Variants in USF1 observed in about 807,000 individuals in gnomAD.
USF1 encodes the protein upstream transcription factor 1.
A neutral mutation model predicts 46.3 loss-of-function variants in USF1; 22 were observed. That is an observed-to-expected ratio of 0.47 (90% CI 0.34 to 0.68). USF1 has a LOEUF of 0.68. Among genes scored for constraint, USF1 ranks in the 30% least tolerant of loss-of-function variants. USF1 has a pLI of 0.01. For missense variants in USF1, 287 were observed against 399.3 expected, an observed-to-expected ratio of 0.72 and a Z score of 2.40; for synonymous variants, 150 against 147.0, an observed-to-expected ratio of 1.02 and a Z score of -0.15.
At chr1:161,045,514 C>T (rs1019858437) in intron 1 of USF1, among the ~76,000 whole-genome samples, 4 of 152,234 alleles carry the variant, frequency 2.6e-5, no homozygotes, top group Non-Finnish European at 5.9e-5. Flanking sequence ...CGGGAGCCTG[C>T]GCCGTGACCC....
In USF1 at chr1:161,042,536, A is replaced by G; in HGVS notation, c.174+19T>C. 1 of 1,613,330 alleles carries G rather than the reference A, an allele frequency of 6.2e-7. No homozygotes were observed. Among genetic ancestry groups the G allele is most frequent in the Non-Finnish European group, 8.5e-7 (1 of 1,179,552 alleles). ...CCAACCCCAGATAACACCTGCAGCCACCTGGCCCCCTCCCTTACCTGGCCC... is the reference window on the plus strand; with the variant it reads ...CCAACCCCAGATAACACCTGCAGCCGCCTGGCCCCCTCCCTTACCTGGCCC... On this transcript the variant is annotated intron_variant, in intron 4 of 10. Transcript: ENST00000368021.
chr1:161,043,427 A>G, intron 1 of USF1, 67 bp from the exon 2 acceptor site: 1 of 1,252,922 alleles, frequency 8.0e-7, no homozygotes, highest in Non-Finnish European at 1.1e-6. Context: ...TCTAGAACTT[A>G]GGTTCCATGA....
At position 161,043,386 on chromosome 1, in the gene USF1, T is replaced by C; in HGVS notation, c.-85-26A>G. On this transcript the variant is annotated intron_variant, in intron 1 of 10. Coordinates refer to ENST00000368021, the MANE Select transcript of USF1 (RefSeq NM_007122.5). ...CTGGTAGAAATCATGAAGTTTGCAA[T>C]GAGTTTAGGAAACAGAACAGTATCT... 1.0e-5 allele frequency: 16 copies of C among 1,565,202 alleles called. No homozygotes were observed. The South Asian group carries it at 1.8e-4, about 18-fold the overall frequency.
In USF1 at chr1:161,041,335, G is replaced by A. The variant is rs2102012606; in HGVS notation, c.549C>T (p.His183=). Residue 183 remains histidine (H), a synonymous_variant, in exon 7 of 11, where the codon CAC becomes CAT. Coordinates refer to ENST00000368021, the MANE Select transcript of USF1 (RefSeq NM_007122.5). The stretch of plus-strand genomic sequence containing the variant: ...CAAGGGTCACTCACGGGGAATAAGG[G>A]TGAGTCCTAGGGGCAATTGAGCGCT... The part of the protein sequence containing the change: ...GSQRSIAPRT[H]PYSPKSEAPR... 6.2e-7 allele frequency: 1 copy of A among 1,613,186 alleles called. No individual in the cohort carries two copies.
chr1:161,041,484 G>C, intron 6 of USF1, 73 bp from the exon 7 acceptor site: 1 of 1,531,724 alleles, frequency 6.5e-7, no homozygotes, highest in Non-Finnish European at 8.9e-7. Context: ...GAAGACCCTG[G>C]TCCCCTCCTC....
rs1458842541 is a variant in USF1, at chr1:161,040,807, TA to T, written c.619+6del. The T allele has an allele frequency of 6.2e-7, 1 of 1,614,112 alleles. No individual in the cohort carries two copies. Among genetic ancestry groups the T allele is most frequent in the African/African-American group, 1.3e-5 (1 of 75,020 alleles). On this transcript the variant is annotated splice_donor_region_variant and intron_variant, in intron 8 of 10. Coordinates refer to ENST00000368021, the MANE Select transcript of USF1 (RefSeq NM_007122.5). The surrounding 1 kb of genome is among the most constrained non-coding windows in gnomAD (Gnocchi z 4.0). ...ACAGCTTCTAGCTCCACCCAGATCATACCTACCTTCATTATGCTGAGCCCTG... is the reference window on the plus strand; with the variant it reads ...ACAGCTTCTAGCTCCACCCAGATCATCCTACCTTCATTATGCTGAGCCCTG...
At chr1:161,045,525 C>T (rs1433287269) in intron 1 of USF1, among the ~76,000 whole-genome samples, 1 of 152,226 alleles carries the variant, frequency 6.6e-6, no homozygotes, top group Non-Finnish European at 1.5e-5. Flanking sequence ...GCCGTGACCC[C>T]GCAGCCCCGC....
In USF1 at chr1:161,041,715, T is replaced by C. The variant is rs755066823; in HGVS notation, c.408A>G (p.Thr136=). 3 of 1,613,950 alleles carry C rather than the reference T, an allele frequency of 1.9e-6. No individual in the cohort carries two copies. The highest frequency in any genetic ancestry group is 2.5e-6 in the Non-Finnish European group (3 of 1,179,978). Residue 136 remains threonine (T), a synonymous_variant, in exon 6 of 11, where the codon ACA becomes ACG. Transcript: ENST00000368021. ...AGCCCTGGGTAGTAACAACAGCAGC[T>C]GTACTCCCCGATGTGGTACCCCCTG... ...DGAGGTTSGS[T]AAVVTTQGSE...
intron 1 of USF1, chr1:161,044,859 A>G (rs1556259): frequency 0.28 from 42,836 of 152,418 alleles, 8,566 homozygotes; most frequent in African/African-American, 0.55. Flanking sequence ...GATAATCCCA[A>G]CACAAAAGGG....
rs1013315850 is a variant in USF1, at chr1:161,043,913, C to T, written c.-85-553G>A. On this transcript the variant is annotated intron_variant, in intron 1 of 10. Coordinates refer to ENST00000368021, the MANE Select transcript of USF1 (RefSeq NM_007122.5). ...GTGCTGGGATTACAGGTGTGAGCCACTGCACCTGGCCGAAACAACACATTT... is the reference window on the plus strand; with the variant it reads ...GTGCTGGGATTACAGGTGTGAGCCATTGCACCTGGCCGAAACAACACATTT... 2.0e-5 allele frequency among the ~76,000 whole-genome samples: 3 copies of T among 147,356 alleles called. No individual in the cohort carries two copies. The Admixed American group carries it at 2.1e-4, about 10-fold the overall frequency.
At chr1:161,043,996 A>T (rs1650692762) in intron 1 of USF1, among the ~76,000 whole-genome samples, 1 of 131,502 alleles carries the variant, frequency 7.6e-6, no homozygotes, top group Non-Finnish European at 1.5e-5. Context: ...CCCAGGCTGG[A>T]GTGCAGTGGC....
intron 1 of USF1, among the ~76,000 whole-genome samples, chr1:161,044,506 C>G (rs1163689880): frequency 1.3e-5 from 2 of 152,208 alleles, no homozygotes; most frequent in African/African-American, 4.8e-5. Flanking sequence ...GGGCCCCATT[C>G]TACTGACAGG....
rs760372164 is a variant in USF1, at chr1:161,041,684, C to T, written c.439G>A (p.Ala147Thr). Residue 147 changes from alanine to threonine, a missense_variant, in exon 6 of 11, where the codon GCA becomes ACA. By Grantham distance (58) the Ala-to-Thr change is moderately conservative (BLOSUM62 0). Transcript: ENST00000368021. ...AAVVTTQGSEALLGQATPPGT... is the reference protein window; with the variant it reads ...AAVVTTQGSETLLGQATPPGT... ...GGAGGGGTCGCCTGCCCCAGCAGTGCCTCTGAGCCCTGGGTAGTAACAACA... is the reference window on the plus strand; with the variant it reads ...GGAGGGGTCGCCTGCCCCAGCAGTGTCTCTGAGCCCTGGGTAGTAACAACA... 7 of 1,613,136 alleles carry T rather than the reference C, an allele frequency of 4.3e-6. No homozygotes were observed. In the South Asian group the frequency reaches 6.6e-5, roughly 15 times the overall value.
intron 5 of USF1, 62 bp from the exon 6 acceptor site, chr1:161,041,908 A>T: frequency 6.6e-7 from 1 of 1,519,958 alleles, no homozygotes; most frequent in Non-Finnish European, 9.0e-7. Flanking sequence ...CCACTACACC[A>T]CTCTGCAGCT....
rs890719492 is a variant in USF1 at position 161,039,340 on chromosome 1, C to T, written c.*580G>A. The T allele has an allele frequency of 1.2e-5, 2 of 163,402 alleles. No homozygotes were observed. The highest frequency in any genetic ancestry group is 4.8e-5 in the African/African-American group (2 of 41,336). 10.1% of individuals were successfully genotyped at this position (163,402 alleles called of 1,614,324 possible). ...AAAACGACCCCCACAAGGGGGAAGG[C>T]CCCAAGTGGGCCCCTGCCTGTTGTT... On this transcript the variant is annotated 3_prime_UTR_variant, in exon 11 of 11. Transcript: ENST00000368021.
Position 161,041,431 on chromosome 1 carries a change from G to A in USF1, c.473-20C>T, listed in dbSNP as rs1249003643. 1.9e-6 allele frequency: 3 copies of A among 1,611,006 alleles called. No individual in the cohort carries two copies. Among genetic ancestry groups the A allele is most frequent in the African/African-American group, 1.3e-5 (1 of 74,788 alleles). On this transcript the variant is annotated intron_variant, in intron 6 of 10. Coordinates refer to ENST00000368021, the MANE Select transcript of USF1 (RefSeq NM_007122.5). ...ATTGACCTGTGAAGATGCAGGGTAG[G>A]TTCTGTCAGGACATGGGTAGGAACC...
rs774715403 is a variant in USF1 at position 161,042,119 on chromosome 1, G to A, written c.273C>T (p.Thr91=). 2 of 1,612,906 alleles carry A rather than the reference G, an allele frequency of 1.2e-6. No individual in the cohort carries two copies. Among genetic ancestry groups the A allele is most frequent in the Middle Eastern group, 1.7e-4 (1 of 6,044 alleles). Residue 91 remains threonine (T), a synonymous_variant, in exon 5 of 11, where the codon ACC becomes ACT. Coordinates refer to ENST00000368021, the MANE Select transcript of USF1 (RefSeq NM_007122.5). ...CTCCCCAGCCCATACCCTGTACCTGGGTCATGGATTGAGTGGCAGGGTAGC... is the reference window on the plus strand; with the variant it reads ...CTCCCCAGCCCATACCCTGTACCTGAGTCATGGATTGAGTGGCAGGGTAGC... The part of the protein sequence containing the change: ...ISGYPATQSM[T]QAVIQGAFTS...
rs767281995 is a variant in USF1 at position 161,040,278 on chromosome 1, T to C, written c.767A>G (p.Gln256Arg). Residue 256 changes from glutamine to arginine, a missense_variant, in exon 10 of 11, where the codon CAG becomes CGG. Physicochemically the swap from Gln to Arg is conservative, Grantham distance 43 (BLOSUM62 1). Coordinates refer to ENST00000368021, the MANE Select transcript of USF1 (RefSeq NM_007122.5). This position sits in a 1 kb window ranked among gnomAD's most constrained non-coding sequence, Gnocchi z 4.0. ...KACDYIQELR[Q>R]SNHRLSEELQ... is the part of the protein sequence containing the mutation. ...TTCTTCAGACAAGCGGTGGTTACTC[T>C]GCCGAAGCTCCTGGATATAATCACA... 1 of 1,614,196 alleles carries C rather than the reference T, an allele frequency of 6.2e-7. No homozygotes were observed. Among genetic ancestry groups the C allele is most frequent in the South Asian group, 1.1e-5 (1 of 91,086 alleles).
intron 1 of USF1, among the ~76,000 whole-genome samples, chr1:161,045,443 T>G (rs1650766398): frequency 6.6e-6 from 1 of 152,186 alleles, no homozygotes; most frequent in Admixed American, 6.5e-5. Context: ...ATGAGGCGTC[T>G]CCCTGCAGGC....
Sources: gnomAD v4.1 joint callset for allele counts (sites outside exome capture counted in the v4.1 genomes callset) on GRCh38, gnomAD v4.1.1 for gene constraint, Gnocchi (gnomAD v3.1) non-coding constraint, MANE v1.5 for transcripts, NCBI Gene and HGNC (gene_info 2026-07-23, HGNC 2026-07-21) for gene names.